Variants in IMMP1L observed in about 807,000 individuals in gnomAD.
IMMP1L encodes the protein mitochondrial inner membrane protease subunit 1.
A neutral mutation model predicts 21.8 loss-of-function variants in IMMP1L; 24 were observed. The observed-to-expected ratio is 1.10, with a 90% CI of 0.80 to 1.55. IMMP1L has a LOEUF of 1.55. Ranked by LOEUF, IMMP1L falls within the 40% of genes most tolerant of loss-of-function variation. IMMP1L has a pLI of 0.00. For synonymous variants in IMMP1L, 46 were observed against 62.8 expected (o/e 0.73, Z 1.26); for missense variants, 195 against 200.7 (o/e 0.97, Z 0.17).
chr11:31,437,294 T>C (rs1953157446), intron 4 of IMMP1L: 1 of 220,034 alleles, frequency 4.5e-6, no homozygotes, highest in East Asian at 9.7e-5. Context: ...ATATATAGCC[T>C]GAAGGTAATT....
chr11:31,462,297 C>T (rs1954171128), intron 2 of IMMP1L, among the ~76,000 whole-genome samples: 1 of 131,000 alleles, frequency 7.6e-6, no homozygotes, highest in Non-Finnish European at 1.6e-5. Flanking sequence ...GCCCAGGCAA[C>T]AGAGCAAGAC....
At chr11:31,492,910 T>C (rs1191930401) in intron 1 of IMMP1L, among the ~76,000 whole-genome samples, 13 of 152,054 alleles carry the variant, frequency 8.5e-5, no homozygotes, top group Non-Finnish European at 1.5e-5. Context: ...GATATAATAA[T>C]GATAAGAAGG....
At chr11:31,462,417 C>A (rs1954182184) in intron 2 of IMMP1L, among the ~76,000 whole-genome samples, 1 of 150,130 alleles carries the variant, frequency 6.7e-6, no homozygotes, top group Non-Finnish European at 1.5e-5. Flanking sequence ...TAAAGTAAAC[C>A]TAATTTAAAA....
In IMMP1L at chr11:31,463,208, A is replaced by C. The variant is rs762838962; in HGVS notation, c.69T>G (p.Ala23=). The change falls in exon 2 of 6, where the codon GCT becomes GCG. Residue 23 remains alanine (A), a synonymous_variant. Coordinates refer to ENST00000532287, the MANE Select transcript of IMMP1L (RefSeq NM_001304274.2). The stretch of plus-strand genomic sequence containing the variant: ...CACCAACGTATTCAAAAGCACAATG[A>C]GCTATACAGCCATATTGAATAGTAT... ...VGYTIQYGCI[A]HCAFEYVGGV... 7.4e-6 allele frequency: 12 copies of C among 1,611,124 alleles called. 1 individual carries two copies. In the South Asian group the frequency reaches 1.3e-4, roughly 18 times the overall value.
At chr11:31,504,055 C>T (rs1330015858) in intron 1 of IMMP1L, among the ~76,000 whole-genome samples, 5 of 152,062 alleles carry the variant, frequency 3.3e-5, no homozygotes, top group Admixed American at 6.5e-5. Context: ...TTTACCGCTG[C>T]CTCACACCAA....
At chr11:31,498,423 A>AT (rs1277649673) in intron 1 of IMMP1L, among the ~76,000 whole-genome samples, 2 of 151,588 alleles carry the variant, frequency 1.3e-5, no homozygotes, top group South Asian at 2.1e-4. Context: ...AAGAGGTCTA[A>AT]TTTTTTTTTG....
chr11:31,450,848 C>A (rs1005787015), intron 4 of IMMP1L, among the ~76,000 whole-genome samples: 6 of 151,928 alleles, frequency 3.9e-5, no homozygotes, highest in African/African-American at 1.5e-4. Flanking sequence ...ATCTGTCCAC[C>A]CTTCAAGAAT....
chr11:31,465,494 A>T (rs1954304280), intron 1 of IMMP1L, among the ~76,000 whole-genome samples: 1 of 152,078 alleles, frequency 6.6e-6, no homozygotes, highest in African/African-American at 2.4e-5. Flanking sequence ...TAACCAAAGC[A>T]ATATTGAGCA....
chr11:31,439,099 G>A (rs1001907318), intron 4 of IMMP1L, among the ~76,000 whole-genome samples: 1 of 151,902 alleles, frequency 6.6e-6, no homozygotes, highest in Non-Finnish European at 1.5e-5. Flanking sequence ...TGTCTTCCCT[G>A]GTTTGATTTT....
intron 1 of IMMP1L, among the ~76,000 whole-genome samples, chr11:31,481,474 G>A (rs1200896244): frequency 2.0e-5 from 3 of 151,612 alleles, no homozygotes; most frequent in Non-Finnish European, 1.5e-5. Flanking sequence ...GCACTGTAAC[G>A]GGAGACAAAA....
At chr11:31,481,473 C>T (rs1444694935) in intron 1 of IMMP1L, among the ~76,000 whole-genome samples, 2 of 151,370 alleles carry the variant, frequency 1.3e-5, no homozygotes, top group Admixed American at 6.6e-5. Flanking sequence ...AGCACTGTAA[C>T]GGGAGACAAA....
chr11:31,488,648 A>T (rs1271573777), intron 1 of IMMP1L, among the ~76,000 whole-genome samples: 1 of 152,130 alleles, frequency 6.6e-6, no homozygotes, highest in Non-Finnish European at 1.5e-5. Context: ...TTTTAAGAAT[A>T]AAAAAGCGGT....
At chr11:31,435,198 C>A (rs1186285503) in intron 4 of IMMP1L, among the ~76,000 whole-genome samples, 2 of 152,236 alleles carry the variant, frequency 1.3e-5, no homozygotes, top group East Asian at 3.9e-4. Context: ...AGGCAACTAT[C>A]AACAATCTAG....
chr11:31,456,742 G>A (rs767208220), intron 3 of IMMP1L, among the ~76,000 whole-genome samples: 1 of 151,076 alleles, frequency 6.6e-6, no homozygotes, highest in East Asian at 1.9e-4. Context: ...TACATAGGCC[G>A]GGTACAGTGG....
intron 1 of IMMP1L, chr11:31,488,202 G>T (rs1955146053): frequency 6.6e-6 from 1 of 151,972 alleles, no homozygotes; most frequent in African/African-American, 2.4e-5. Context: ...AATAAAGCAT[G>T]TCTTAAAGCA....
At chr11:31,457,595 A>T (rs923076855) in intron 3 of IMMP1L, among the ~76,000 whole-genome samples, 1 of 152,240 alleles carries the variant, frequency 6.6e-6, no homozygotes, top group Admixed American at 6.5e-5. Context: ...CTATAGAAGC[A>T]TTAAAATGGG....
chr11:31,507,994 G>A (rs1236319654), intron 1 of IMMP1L, among the ~76,000 whole-genome samples: 2 of 152,050 alleles, frequency 1.3e-5, no homozygotes, highest in Non-Finnish European at 2.9e-5. Context: ...AAAGTTCACA[G>A]CATCAAAAAT....
chr11:31,448,930 A>G, intron 4 of IMMP1L: 1 of 985,286 alleles, frequency 1.0e-6, no homozygotes, highest in Non-Finnish European at 1.2e-6. Flanking sequence ...TATAGAATGA[A>G]AAAGTCACGT....
At chr11:31,452,643 A>G in intron 4 of IMMP1L, 1 of 986,014 alleles carries the variant, frequency 1.0e-6, no homozygotes, top group Non-Finnish European at 1.2e-6. Flanking sequence ...AGAGTCACAA[A>G]TTAATCTCAT....
Sources: allele counts gnomAD v4.1 joint callset (sites outside exome capture counted in the v4.1 genomes callset), GRCh38; gene constraint gnomAD v4.1.1; transcripts MANE v1.5; gene names NCBI Gene and HGNC (gene_info 2026-07-23, HGNC 2026-07-21).